TLL1: variants seen among roughly 807,000 people sequenced by gnomAD.
TLL1 encodes the protein tolloid-like protein 1.
A neutral mutation model predicts 128.2 loss-of-function variants in TLL1; 49 were observed. The observed-to-expected ratio is 0.38, with a 90% CI of 0.30 to 0.48. TLL1 has a LOEUF of 0.48. Ranked by LOEUF, TLL1 falls within the 20% of genes least tolerant of loss-of-function variation. The probability of loss-of-function intolerance (pLI) is 0.96; values close to 1 mark genes in which losing one functional copy is unlikely to be tolerated. For synonymous variants in TLL1, 454 were observed against 418.8 expected, an observed-to-expected ratio of 1.08 and a Z score of -1.03; for missense variants, 1,123 against 1,242.0, an observed-to-expected ratio of 0.90 and a Z score of 1.44.
chr4:165,985,369 T>A (rs1736350340), intron 1 of TLL1, among the ~76,000 whole-genome samples: 1 of 152,024 alleles, frequency 6.6e-6, no homozygotes, highest in Non-Finnish European at 1.5e-5. Context: ...TTCAAATAAA[T>A]GTATTCATTT....
At chr4:165,959,340 A>G (rs1009582954) in intron 1 of TLL1, among the ~76,000 whole-genome samples, 58 of 152,296 alleles carry the variant, frequency 3.8e-4, no homozygotes, top group African/African-American at 1.2e-3. Context: ...CTTCCTACCC[A>G]TGAGCATGGA....
chr4:165,962,634 C>G (rs1430913607), intron 1 of TLL1, among the ~76,000 whole-genome samples: 1 of 152,102 alleles, frequency 6.6e-6, no homozygotes, highest in Non-Finnish European at 1.5e-5. Flanking sequence ...AATTGCAGCA[C>G]TATTTACAGT....
chr4:165,956,230 T>C (rs377033608), intron 1 of TLL1, among the ~76,000 whole-genome samples: 22 of 152,166 alleles, frequency 1.4e-4, no homozygotes, highest in Admixed American at 5.2e-4. Context: ...ATTGTCTTGA[T>C]AAACATCTTA....
At chr4:166,059,207 A>G (rs551644140) in intron 14 of TLL1, among the ~76,000 whole-genome samples, 3 of 150,586 alleles carry the variant, frequency 2.0e-5, no homozygotes, top group Admixed American at 1.3e-4. Context: ...GTATATGTGT[A>G]TACACACACA....
intron 9 of TLL1, among the ~76,000 whole-genome samples, chr4:166,026,306 T>C (rs1439836184): frequency 1.3e-5 from 2 of 152,094 alleles, no homozygotes; most frequent in Non-Finnish European, 2.9e-5. Flanking sequence ...GGAGAATCAC[T>C]TGAACCCGGA....
intron 1 of TLL1, among the ~76,000 whole-genome samples, chr4:165,895,500 C>A (rs75393008): frequency 0.028 from 4,267 of 151,232 alleles, 182 homozygotes; most frequent in African/African-American, 0.098. Context: ...TTAAAGAAAA[C>A]CTAAGTAAAT....
chr4:165,962,705 C>A (rs751925146), intron 1 of TLL1, among the ~76,000 whole-genome samples: 1 of 152,106 alleles, frequency 6.6e-6, no homozygotes, highest in Non-Finnish European at 1.5e-5. Context: ...GGTACATATA[C>A]ACCATGGAAT....
intron 3 of TLL1, among the ~76,000 whole-genome samples, chr4:165,994,042 G>A (rs1736756032): frequency 1.3e-5 from 2 of 152,068 alleles, no homozygotes; most frequent in South Asian, 4.1e-4. Flanking sequence ...TTAACTGTTG[G>A]TGAATTGATA....
chr4:166,014,329 G>T, intron 7 of TLL1, 107 bp from the exon 8 acceptor site: 1 of 1,524,426 alleles, frequency 6.6e-7, no homozygotes, highest in Non-Finnish European at 9.0e-7. Context: ...ACAAGGTGTA[G>T]TTCCCCTTTG....
intron 8 of TLL1, among the ~76,000 whole-genome samples, chr4:166,016,465 A>G (rs1049451248): frequency 6.6e-6 from 1 of 152,038 alleles, no homozygotes; most frequent in African/African-American, 2.4e-5. Context: ...GAAAGTCAGG[A>G]AGAATAAAAA....
intron 6 of TLL1, among the ~76,000 whole-genome samples, chr4:166,003,796 ATT>A (rs1454448471): frequency 6.6e-6 from 1 of 151,814 alleles, no homozygotes; most frequent in African/African-American, 2.4e-5. Flanking sequence ...CTTTTTTAAG[ATT>A]TAGCTGTTTT....
chr4:165,979,221 A>G (rs994648835), intron 1 of TLL1, among the ~76,000 whole-genome samples: 1 of 152,152 alleles, frequency 6.6e-6, no homozygotes, highest in African/African-American at 2.4e-5. Context: ...TGTGCAATAC[A>G]TGGTGTTTAC....
intron 12 of TLL1, among the ~76,000 whole-genome samples, chr4:166,052,930 G>A (rs1739812429): frequency 2.1e-5 from 2 of 97,218 alleles, no homozygotes; most frequent in African/African-American, 8.7e-5. Context: ...TGATTTTGAA[G>A]GGATTAAATT....
chr4:165,982,001 C>T (rs938113699), intron 1 of TLL1, among the ~76,000 whole-genome samples: 16 of 152,058 alleles, frequency 1.1e-4, no homozygotes, highest in Non-Finnish European at 8.8e-5. Flanking sequence ...ATGTTTCTGA[C>T]GCGGAATAAT....
intron 1 of TLL1, among the ~76,000 whole-genome samples, chr4:165,935,234 A>G (rs1284799215): frequency 6.6e-6 from 1 of 152,218 alleles, no homozygotes; most frequent in Non-Finnish European, 1.5e-5. Context: ...TTTCAAGTTA[A>G]TAAGCCTCAG....
At chr4:165,899,917 TA>T (rs755938383) in intron 1 of TLL1, among the ~76,000 whole-genome samples, 9 of 152,200 alleles carry the variant, frequency 5.9e-5, no homozygotes, top group Non-Finnish European at 1.0e-4. Context: ...TGGGTGTATA[TA>T]TATTTAGGAT....
At chr4:166,017,076 C>A (rs1200263267) in intron 8 of TLL1, among the ~76,000 whole-genome samples, 3 of 152,006 alleles carry the variant, frequency 2.0e-5, no homozygotes, top group African/African-American at 7.2e-5. Flanking sequence ...AGTTTTCAAC[C>A]CTTGCCGCCT....
chr4:166,008,968 C>A (rs150190994), intron 7 of TLL1, among the ~76,000 whole-genome samples: 5,389 of 151,386 alleles, frequency 0.036, 118 homozygotes, highest in Middle Eastern at 0.058. Context: ...AATACTTGGA[C>A]ACATTTATTA....
intron 1 of TLL1, among the ~76,000 whole-genome samples, chr4:165,951,144 T>G (rs1734495089): frequency 6.6e-6 from 1 of 152,124 alleles, no homozygotes; most frequent in South Asian, 2.1e-4. Context: ...TTTGAAAGAC[T>G]AGATGAAATA....
Sources: gnomAD v4.1 joint callset for allele counts (sites outside exome capture counted in the v4.1 genomes callset) on GRCh38, gnomAD v4.1.1 for gene constraint, MANE v1.5 for transcripts, NCBI Gene and HGNC (gene_info 2026-07-23, HGNC 2026-07-21) for gene names.